VEPH1: variants seen among roughly 807,000 people sequenced by gnomAD.
VEPH1 encodes ventricular zone expressed PH domain containing 1.
VEPH1 carries 80 observed loss-of-function variants against 85.2 expected under a neutral mutation model. The observed-to-expected ratio is 0.94, with a 90% CI of 0.78 to 1.13. The LOEUF (loss-of-function observed/expected upper bound fraction) is 1.13. Ranked by LOEUF, VEPH1 falls within the 50% of genes most tolerant of loss-of-function variation. The pLI is 0.00. For missense variants in VEPH1, 955 were observed against 980.5 expected, an observed-to-expected ratio of 0.97 and a Z score of 0.35; for synonymous variants, 297 against 348.0, an observed-to-expected ratio of 0.85 and a Z score of 1.63.
chr3:157,430,920 A>C (rs975599112), intron 4 of VEPH1, among the ~76,000 whole-genome samples: 3 of 152,152 alleles, frequency 2.0e-5, no homozygotes, highest in African/African-American at 7.2e-5. Flanking sequence ...GTTAAAATCA[A>C]TGTGTGCCCA....
intron 2 of VEPH1, among the ~76,000 whole-genome samples, chr3:157,481,052 A>G (rs1577770544): frequency 6.6e-6 from 1 of 152,052 alleles, no homozygotes; most frequent in Non-Finnish European, 1.5e-5. Context: ...GATGACTGCT[A>G]AAGTTGAGCA....
At chr3:157,461,026 G>A (rs1032943032) in intron 3 of VEPH1, among the ~76,000 whole-genome samples, 12 of 152,170 alleles carry the variant, frequency 7.9e-5, no homozygotes, top group Middle Eastern at 3.4e-3. Flanking sequence ...TGAACAAGTC[G>A]CTTTTTGCCT....
intron 11 of VEPH1, among the ~76,000 whole-genome samples, chr3:157,312,710 TC>T (rs898578847): frequency 6.6e-6 from 1 of 152,140 alleles, no homozygotes; most frequent in Non-Finnish European, 1.5e-5. Flanking sequence ...TCTCCAATCT[TC>T]CTATAACTTC....
At chr3:157,373,649 A>C (rs1419052646) in intron 7 of VEPH1, among the ~76,000 whole-genome samples, 2 of 152,164 alleles carry the variant, frequency 1.3e-5, no homozygotes, top group Admixed American at 6.5e-5. Flanking sequence ...GTAGAGGGTC[A>C]AGGTCCTCTT....
At chr3:157,275,778 A>T (rs1280201797) in intron 12 of VEPH1, among the ~76,000 whole-genome samples, 1 of 152,172 alleles carries the variant, frequency 6.6e-6, no homozygotes, top group South Asian at 2.1e-4. Flanking sequence ...AATCCTATAC[A>T]GTCTATGGGG....
chr3:157,454,065 AT>A (rs142044571), intron 4 of VEPH1, among the ~76,000 whole-genome samples: 1,903 of 151,026 alleles, frequency 0.013, 44 homozygotes, highest in African/African-American at 0.04. Context: ...GGGGTAATTC[AT>A]TTTTTTTTCA....
intron 9 of VEPH1, among the ~76,000 whole-genome samples, chr3:157,342,364 A>G (rs1228895161): frequency 6.6e-6 from 1 of 152,216 alleles, no homozygotes; most frequent in Non-Finnish European, 1.5e-5. Context: ...AAAAAAAGGC[A>G]GGGGTTGCAA....
chr3:157,293,851 A>C (rs1430046947), intron 11 of VEPH1, among the ~76,000 whole-genome samples: 1 of 152,248 alleles, frequency 6.6e-6, no homozygotes, highest in Non-Finnish European at 1.5e-5. Context: ...AAAACCAGCA[A>C]ATTATTAGAG....
At chr3:157,438,024 C>A (rs972594903) in intron 4 of VEPH1, 161 of 778,036 alleles carry the variant, frequency 2.1e-4, no homozygotes, top group Admixed American at 4.5e-4. Flanking sequence ...ATGGGAAGCG[C>A]GCGCGCGCGC....
At chr3:157,310,329 A>T (rs1370569189) in intron 11 of VEPH1, among the ~76,000 whole-genome samples, 2 of 152,182 alleles carry the variant, frequency 1.3e-5, no homozygotes, top group Non-Finnish European at 2.9e-5. Flanking sequence ...TTATTTAGAG[A>T]TCACAATGTG....
At chr3:157,267,102 C>CTTTTTTTT (rs10537483) in intron 12 of VEPH1, among the ~76,000 whole-genome samples, 4 of 124,662 alleles carry the variant, frequency 3.2e-5, no homozygotes, top group African/African-American at 9.1e-5. Context: ...TCTTTTTTTT[C>CTTTTTTTT]TTTTTTTTTT....
chr3:157,317,121 A>G lies in VEPH1; in HGVS notation c.1816T>C (p.Phe606Leu). The G allele has an allele frequency of 6.2e-7, 1 of 1,613,826 alleles. No homozygotes were observed. ...GHYCLYSKSS[F>L]ILISQEPQPW... is the part of the protein sequence containing the mutation. ...TGAGGTTCTTGGCTGATGAGAATAA[A>G]ACTGGACTTACTGTATAGGCAGTAA... Residue 606 changes from phenylalanine (F) to leucine (L), a missense_variant, in exon 10 of 14, where the codon TTT becomes CTT. By Grantham distance (22) the Phe-to-Leu change is conservative. Coordinates refer to ENST00000362010, the MANE Select transcript of VEPH1 (RefSeq NM_001167912.2).
At chr3:157,329,065 T>G (rs1335952751) in intron 9 of VEPH1, among the ~76,000 whole-genome samples, 1 of 152,230 alleles carries the variant, frequency 6.6e-6, no homozygotes, top group Non-Finnish European at 1.5e-5. Flanking sequence ...TAGTCCCCCC[T>G]TTTAAGTCGA....
chr3:157,445,494 A>ATG (rs1734477932), intron 4 of VEPH1, among the ~76,000 whole-genome samples: 1 of 152,120 alleles, frequency 6.6e-6, no homozygotes, highest in Admixed American at 6.5e-5. Flanking sequence ...GGTGGTACGC[A>ATG]CCTGCAGTCC....
intron 3 of VEPH1, among the ~76,000 whole-genome samples, chr3:157,464,960 C>G (rs1003066762): frequency 2.0e-5 from 3 of 152,148 alleles, no homozygotes; most frequent in Non-Finnish European, 2.9e-5. Flanking sequence ...TTCATTCTTC[C>G]CAGCATAGCT....
Position 157,361,366 on chromosome 3 carries a change from T to G in VEPH1, c.1735+1998A>C, listed in dbSNP as rs1377584315. Among the ~76,000 whole-genome samples the G allele has an allele frequency of 3.3e-5, 5 of 151,950 alleles. No homozygotes were observed. The East Asian group carries it at 7.8e-4, about 24-fold the overall frequency. ...ATCACTAAACATTTGAATCCCCCTTTCCCTTTGTTAGCATGAGAACACACT... is the reference window on the plus strand; with the variant it reads ...ATCACTAAACATTTGAATCCCCCTTGCCCTTTGTTAGCATGAGAACACACT... On this transcript the variant is annotated intron_variant, in intron 9 of 13. Coordinates refer to ENST00000362010, the MANE Select transcript of VEPH1 (RefSeq NM_001167912.2).
chr3:157,438,035 G>GCACACA (rs1294089889), intron 4 of VEPH1: 84 of 701,654 alleles, frequency 1.2e-4, no homozygotes, highest in African/African-American at 5.3e-4. Context: ...GCGCGCGCGC[G>GCACACA]CGCACACACA....
At chr3:157,271,426 AG>A (rs1714533580) in intron 12 of VEPH1, among the ~76,000 whole-genome samples, 1 of 152,178 alleles carries the variant, frequency 6.6e-6, no homozygotes, top group Non-Finnish European at 1.5e-5. Flanking sequence ...AGATGTGGGC[AG>A]GGCGTAGGAA....
chr3:157,396,332 G>T (rs548507346), intron 6 of VEPH1, among the ~76,000 whole-genome samples: 1 of 152,280 alleles, frequency 6.6e-6, no homozygotes, highest in South Asian at 2.1e-4. Flanking sequence ...TCTTTATCCA[G>T]TCTATCATTG....
Sources: allele counts gnomAD v4.1 joint callset (sites outside exome capture counted in the v4.1 genomes callset), GRCh38; gene constraint gnomAD v4.1.1; transcripts MANE v1.5; gene names NCBI Gene and HGNC (gene_info 2026-07-23, HGNC 2026-07-21).